Variants in NTM observed in about 807,000 individuals in gnomAD.
The protein encoded by NTM is IgLON family member 2.
NTM carries 13 observed loss-of-function variants against 42.1 expected under a neutral mutation model. That is an observed-to-expected ratio of 0.31 (90% confidence interval 0.20 to 0.49). The LOEUF (loss-of-function observed/expected upper bound fraction) is 0.49, where lower values mean the gene tolerates loss of function less well. Ranked by LOEUF, NTM falls within the 20% of genes least tolerant of loss-of-function variation. NTM has a pLI of 0.99. For synonymous variants in NTM, 187 were observed against 179.2 expected (o/e 1.04, Z -0.35); for missense variants, 373 against 452.8 (o/e 0.82, Z 1.60).
At chr11:131,396,951 T>C (rs553777023) in intron 1 of NTM, among the ~76,000 whole-genome samples, 3 of 152,284 alleles carry the variant, frequency 2.0e-5, no homozygotes, top group South Asian at 2.1e-4. Flanking sequence ...CTGGACTCTA[T>C]ATTTTTAAGA....
intron 2 of NTM, among the ~76,000 whole-genome samples, chr11:132,016,363 C>T (rs555388291): frequency 1.7e-4 from 26 of 152,026 alleles, no homozygotes; most frequent in Admixed American, 1.4e-3. Context: ...TAACCCCAGC[C>T]TTAGGCAACC....
intron 2 of NTM, among the ~76,000 whole-genome samples, chr11:132,020,523 ACT>A (rs1212914780): frequency 2.0e-5 from 3 of 151,964 alleles, no homozygotes; most frequent in Non-Finnish European, 2.9e-5. Context: ...TTTAGTGGTA[ACT>A]CTAATGAGTA....
intron 1 of NTM, among the ~76,000 whole-genome samples, chr11:131,641,869 G>T (rs557426906): frequency 6.6e-6 from 1 of 152,068 alleles, no homozygotes; most frequent in South Asian, 2.1e-4. Flanking sequence ...TGGGACTACG[G>T]GCACATGCCA....
intron 1 of NTM, among the ~76,000 whole-genome samples, chr11:131,654,435 C>T (rs1416087451): frequency 6.6e-6 from 1 of 151,812 alleles, no homozygotes; most frequent in Non-Finnish European, 1.5e-5. Context: ...CCAGTCCCGA[C>T]AGGTTTTTTT....
chr11:132,078,386 G>A (rs1283384972), intron 2 of NTM, among the ~76,000 whole-genome samples: 1 of 152,238 alleles, frequency 6.6e-6, no homozygotes, highest in East Asian at 1.9e-4. Flanking sequence ...GGCTCAGGCT[G>A]CTACAGCACA....
chr11:132,016,093 T>G (rs1851703768), intron 2 of NTM, among the ~76,000 whole-genome samples: 1 of 151,094 alleles, frequency 6.6e-6, no homozygotes. Flanking sequence ...CTCTGCCTGT[T>G]GTTGAGAGTT....
chr11:132,264,567 A>G (rs922806171), intron 4 of NTM, among the ~76,000 whole-genome samples: 2 of 152,166 alleles, frequency 1.3e-5, no homozygotes, highest in African/African-American at 4.8e-5. Flanking sequence ...TGTTTTGCTT[A>G]GGCAGGCTTG....
chr11:131,664,089 T>C (rs963953289), intron 1 of NTM, among the ~76,000 whole-genome samples: 1 of 152,214 alleles, frequency 6.6e-6, no homozygotes, highest in Non-Finnish European at 1.5e-5. Context: ...AATTCTTGAC[T>C]GCTAGGCCTC....
chr11:132,026,638 T>A (rs1463153639), intron 2 of NTM, among the ~76,000 whole-genome samples: 1 of 152,244 alleles, frequency 6.6e-6, no homozygotes, highest in Non-Finnish European at 1.5e-5. Context: ...TAGGTTCCAA[T>A]GCTGACAATT....
chr11:131,678,632 G>A (rs2658833), intron 1 of NTM, among the ~76,000 whole-genome samples: 112,855 of 152,210 alleles, frequency 0.74, 42,011 homozygotes, highest in East Asian at 0.8. Context: ...AGTTCCTCAA[G>A]GGCATTGCTC....
intron 1 of NTM, among the ~76,000 whole-genome samples, chr11:131,444,203 C>CAG (rs1949846844): frequency 2.0e-5 from 1 of 49,504 alleles, no homozygotes; most frequent in East Asian, 8.2e-4. Flanking sequence ...AGGTTAGAAC[C>CAG]AAAAAAAAAA....
chr11:131,896,837 C>T lies in NTM; in HGVS notation c.83-14727C>T, dbSNP rs192566386. ...CGGAGTAGCTGGGACTACAGGCGCC[C>T]GCCACCAAGCCGGGCTAATTTTTTG... On this transcript the variant is annotated intron_variant, in intron 1 of 8. Coordinates refer to ENST00000683400, the MANE Select transcript of NTM (RefSeq NM_001352005.2). Among the ~76,000 whole-genome samples the T allele has an allele frequency of 7.0e-3, 1,070 of 151,940 alleles. 14 individuals are homozygous for T. The highest frequency in any genetic ancestry group is 0.023 in the African/African-American group (960 of 41,418).
rs369990032 is a variant in NTM at position 131,464,410 on chromosome 11, T to C, written c.82+93522T>C. On this transcript the variant is annotated intron_variant, in intron 1 of 8. Coordinates refer to ENST00000683400, the MANE Select transcript of NTM (RefSeq NM_001352005.2). ...GGGGGCCCCGTCATACATTCATGAC[T>C]GAACCGCTCTCTGGCAGCCGTCTCT... Among the ~76,000 whole-genome samples, 383 of 152,176 alleles carry C rather than the reference T, an allele frequency of 2.5e-3. 8 individuals are homozygous for C. The highest frequency in any genetic ancestry group is 0.023 in the South Asian group (109 of 4,816).
At chr11:132,025,132 G>A (rs1315223152) in intron 2 of NTM, among the ~76,000 whole-genome samples, 9 of 152,210 alleles carry the variant, frequency 5.9e-5, no homozygotes. Context: ...AGGCTGAGCA[G>A]TGGGGTAGCA....
rs145224623 is a variant in NTM at position 132,167,552 on chromosome 11, C to T, written c.400+21038C>T. On this transcript the variant is annotated intron_variant, in intron 3 of 8. Transcript: ENST00000683400. ...CTGTCCATTATAAATGAGTTCATTCCCATTCAAGCAATGGCTGTCATGTAT... is the reference window on the plus strand; with the variant it reads ...CTGTCCATTATAAATGAGTTCATTCTCATTCAAGCAATGGCTGTCATGTAT... Among the ~76,000 whole-genome samples the T allele has an allele frequency of 8.5e-5, 13 of 152,256 alleles. No individual in the cohort carries two copies. In the East Asian group the frequency reaches 2.3e-3, roughly 27 times the overall value.
At chr11:132,298,910 ACG>A (rs913131509) in intron 4 of NTM, among the ~76,000 whole-genome samples, 15 of 151,968 alleles carry the variant, frequency 9.9e-5, no homozygotes, top group Non-Finnish European at 1.3e-4. Context: ...ACACACACAC[ACG>A]AAATTTATAG....
At chr11:131,812,162 G>A (rs1478476626) in intron 1 of NTM, among the ~76,000 whole-genome samples, 1 of 149,546 alleles carries the variant, frequency 6.7e-6, no homozygotes, top group African/African-American at 2.5e-5. Flanking sequence ...TCTACCCTTT[G>A]TCAGAAAGAT....
intron 1 of NTM, among the ~76,000 whole-genome samples, chr11:131,712,021 T>A (rs2077204212): frequency 6.8e-6 from 1 of 146,652 alleles, no homozygotes; most frequent in Non-Finnish European, 1.5e-5. Flanking sequence ...TTAGGAGGTA[T>A]ACCTAATGCT....
At chr11:131,970,468 C>T (rs964933483) in intron 2 of NTM, among the ~76,000 whole-genome samples, 1 of 152,206 alleles carries the variant, frequency 6.6e-6, no homozygotes, top group African/African-American at 2.4e-5. Context: ...TTATCCTTCC[C>T]GAATTGGGCC....
Sources: allele counts gnomAD v4.1 joint callset (sites outside exome capture counted in the v4.1 genomes callset), GRCh38; gene constraint gnomAD v4.1.1; transcripts MANE v1.5; gene names NCBI Gene and HGNC (gene_info 2026-07-23, HGNC 2026-07-21).